The following GPC6 variants were observed in gnomAD, a reference collection of about 807,000 sequenced individuals.
GPC6 encodes the protein glypican-6.
In GPC6, 14 loss-of-function variants were observed where a neutral mutation model predicts 55.2. The ratio of observed to expected loss-of-function variants is 0.25; its 90% confidence interval spans 0.17 to 0.40. The LOEUF (loss-of-function observed/expected upper bound fraction) is 0.40. Among genes scored for constraint, GPC6 ranks in the 10% least tolerant of loss-of-function variants. The pLI is 1.00. For synonymous variants in GPC6, 278 were observed against 259.6 expected (o/e 1.07, Z -0.68); for missense variants, 641 against 708.5 (o/e 0.90, Z 1.08).
intron 2 of GPC6, among the ~76,000 whole-genome samples, chr13:93,805,675 A>G (rs184822804): frequency 6.6e-6 from 1 of 152,260 alleles, no homozygotes; most frequent in Admixed American, 6.5e-5. Context: ...CATTAAATAT[A>G]TTTGTTTGCG....
chr13:93,479,159 C>T (rs568640022), intron 1 of GPC6, among the ~76,000 whole-genome samples: 1 of 152,218 alleles, frequency 6.6e-6, no homozygotes, highest in South Asian at 2.1e-4. Flanking sequence ...AGAATTATGT[C>T]TTGGGAAACT....
chr13:94,055,838 A>T (rs1458777662), intron 4 of GPC6, among the ~76,000 whole-genome samples: 1 of 152,200 alleles, frequency 6.6e-6, no homozygotes, highest in Non-Finnish European at 1.5e-5. Context: ...CTACACAGAT[A>T]CAGAATTTTG....
intron 1 of GPC6, among the ~76,000 whole-genome samples, chr13:93,239,633 T>G (rs1158957177): frequency 6.6e-5 from 10 of 151,872 alleles, no homozygotes; most frequent in African/African-American, 1.4e-4. Context: ...TCGGTTTTGT[T>G]TAGTTCTGGT....
At chr13:94,288,904 T>G (rs9805573) in intron 5 of GPC6, among the ~76,000 whole-genome samples, 3 of 130,706 alleles carry the variant, frequency 2.3e-5, no homozygotes, top group African/African-American at 8.3e-5. Flanking sequence ...AACAAATATA[T>G]ATATATTTGT....
chr13:93,770,843 G>A (rs1215810997), intron 2 of GPC6, among the ~76,000 whole-genome samples: 1 of 151,568 alleles, frequency 6.6e-6, no homozygotes, highest in Admixed American at 6.6e-5. Context: ...ATACTTTCTT[G>A]GTCAAATAAG....
chr13:94,157,206 G>C (rs185681465), intron 4 of GPC6, among the ~76,000 whole-genome samples: 1 of 152,088 alleles, frequency 6.6e-6, no homozygotes, highest in African/African-American at 2.4e-5. Context: ...TCTATAAAAG[G>C]GAATGTGTCC....
At chr13:93,914,152 G>A (rs375261101) in intron 3 of GPC6, among the ~76,000 whole-genome samples, 29 of 152,108 alleles carry the variant, frequency 1.9e-4, no homozygotes, top group Admixed American at 1.1e-3. Flanking sequence ...TGCCATGTTG[G>A]TGTGCTGCAC....
intron 4 of GPC6, among the ~76,000 whole-genome samples, chr13:94,089,917 A>G (rs541395985): frequency 1.3e-5 from 2 of 152,296 alleles, no homozygotes; most frequent in South Asian, 4.1e-4. Context: ...ACCACACGTT[A>G]GGTATACCTC....
At chr13:94,265,392 A>T (rs1251395660) in intron 4 of GPC6, among the ~76,000 whole-genome samples, 1 of 152,194 alleles carries the variant, frequency 6.6e-6, no homozygotes, top group Non-Finnish European at 1.5e-5. Context: ...AGAAAGATGT[A>T]GACTGGGTGG....
chr13:93,575,652 A>G (rs1434884061), intron 2 of GPC6, among the ~76,000 whole-genome samples: 1 of 152,200 alleles, frequency 6.6e-6, no homozygotes, highest in East Asian at 1.9e-4. Flanking sequence ...TCAGTGTCTT[A>G]TAAGTAGAAG....
At chr13:93,691,607 A>G (rs1239584731) in intron 2 of GPC6, among the ~76,000 whole-genome samples, 2 of 151,940 alleles carry the variant, frequency 1.3e-5, no homozygotes, top group Non-Finnish European at 2.9e-5. Context: ...TGCTATTTCA[A>G]ATGAAAAAAT....
At chr13:93,762,999 G>C (rs1786277442) in intron 2 of GPC6, among the ~76,000 whole-genome samples, 1 of 152,184 alleles carries the variant, frequency 6.6e-6, no homozygotes, top group Admixed American at 6.5e-5. Flanking sequence ...TTGAGGCCCA[G>C]TTAGCTGGAG....
In GPC6 at chr13:93,312,660, C is replaced by G. The variant is rs528503927; in HGVS notation, c.160+85044C>G. Among the ~76,000 whole-genome samples, 14 of 152,160 alleles carry G rather than the reference C, an allele frequency of 9.2e-5. 1 individual carries two copies. The highest frequency in any genetic ancestry group is 3.4e-3 in the Middle Eastern group (1 of 294). Reference sequence around the variant, plus strand: ...CTCAAGTCAATATGCCTATAGTGAACCATTTATTGAAGGGGTGTTCATTGC... The same window carrying G: ...CTCAAGTCAATATGCCTATAGTGAAGCATTTATTGAAGGGGTGTTCATTGC... On this transcript the variant is annotated intron_variant, in intron 1 of 8. Coordinates refer to ENST00000377047, the MANE Select transcript of GPC6 (RefSeq NM_005708.5).
chr13:94,141,092 C>T (rs754541596), intron 4 of GPC6, among the ~76,000 whole-genome samples: 14 of 151,956 alleles, frequency 9.2e-5, no homozygotes, highest in Non-Finnish European at 1.8e-4. Flanking sequence ...CTGAAGAGGT[C>T]CTGAGAAATT....
rs1195618642 is a variant in GPC6 at position 93,227,209 on chromosome 13, G to A, written c.-248G>A. 3.0e-5 allele frequency: 13 copies of A among 439,364 alleles called. No individual in the cohort carries two copies. In the South Asian group the frequency reaches 5.6e-4, roughly 19 times the overall value. The allele number at this position is 439,364 out of a possible 1,614,324, so 27.2% of individuals were successfully genotyped here. A position where few individuals can be genotyped will look rare whatever the true frequency, so the allele number is the denominator to read the frequency against. On this transcript the variant is annotated 5_prime_UTR_variant, in exon 1 of 9. Coordinates refer to ENST00000377047, the MANE Select transcript of GPC6 (RefSeq NM_005708.5). This position sits in a 1 kb window ranked among gnomAD's most constrained non-coding sequence, Gnocchi z 4.3. ...TTGATTGCACCGTTTCCATCTGGGG[G>A]CTAGAGGAGCAAGGCAGCAGCCTTC... is the stretch of plus-strand genomic sequence containing the variant.
At chr13:94,066,967 G>T (rs1160014457) in intron 4 of GPC6, among the ~76,000 whole-genome samples, 2 of 152,192 alleles carry the variant, frequency 1.3e-5, no homozygotes, top group African/African-American at 4.8e-5. Flanking sequence ...CTATGAATAT[G>T]TGTTGGTGCA....
At chr13:93,653,253 T>G (rs556018474) in intron 2 of GPC6, among the ~76,000 whole-genome samples, 1 of 152,320 alleles carries the variant, frequency 6.6e-6, no homozygotes, top group African/African-American at 2.4e-5. Flanking sequence ...CTCTTGTATG[T>G]CTATGGAATC....
intron 1 of GPC6, among the ~76,000 whole-genome samples, chr13:93,523,457 ACACAT>A (rs1881523118): frequency 3.1e-5 from 1 of 32,234 alleles, no homozygotes; most frequent in Non-Finnish European, 8.2e-5. Flanking sequence ...ACACACATAC[ACACAT>A]ATGACATTTT....
At chr13:93,709,408 T>A (rs570189624) in intron 2 of GPC6, among the ~76,000 whole-genome samples, 1 of 148,612 alleles carries the variant, frequency 6.7e-6, no homozygotes, top group South Asian at 2.1e-4. Context: ...ACCTTACATA[T>A]TTTTTTTTGC....
Sources: allele counts gnomAD v4.1 joint callset (sites outside exome capture counted in the v4.1 genomes callset), GRCh38; gene constraint gnomAD v4.1.1; non-coding constraint Gnocchi (gnomAD v3.1); transcripts MANE v1.5; gene names NCBI Gene and HGNC (gene_info 2026-07-23, HGNC 2026-07-21).